Variants in UFL1 observed in about 807,000 individuals in gnomAD.
UFL1 encodes the protein UFM1 specific ligase 1.
A neutral mutation model predicts 99.3 loss-of-function variants in UFL1; 78 were observed. That is an observed-to-expected ratio of 0.79 (90% CI 0.65 to 0.95). The LOEUF is 0.95. UFL1 is among the 40% of genes least tolerant of loss of function. The pLI, the probability that UFL1 is intolerant of heterozygous loss-of-function variation, is 0.00. For synonymous variants in UFL1, 335 were observed against 322.2 expected, an observed-to-expected ratio of 1.04 and a Z score of -0.42; for missense variants, 936 against 937.0, an observed-to-expected ratio of 1.00 and a Z score of 0.01.
rs767970078 is a variant in UFL1, at chr6:96,521,967, C to G, written c.77+17C>G. On this transcript the variant is annotated intron_variant, in intron 1 of 18. Coordinates refer to ENST00000369278, the MANE Select transcript of UFL1 (RefSeq NM_015323.5). ...CACGCAGAGGTGCCCGACCCTCCCT[C>G]TCCTTTGTGGAGCCCAAATTAGGCC... 7.5e-6 allele frequency: 12 copies of G among 1,608,686 alleles called. No individual in the cohort carries two copies. In the South Asian group the frequency reaches 7.8e-5, roughly 10 times the overall value.
intron 11 of UFL1, among the ~76,000 whole-genome samples, chr6:96,542,086 A>T (rs1332125828): frequency 2.6e-5 from 4 of 151,290 alleles, no homozygotes; most frequent in African/African-American, 9.7e-5. Flanking sequence ...ATATAGTTGT[A>T]ATATGTTCAA....
At chr6:96,533,528 T>C (rs1269438481) in intron 6 of UFL1, among the ~76,000 whole-genome samples, 2 of 151,896 alleles carry the variant, frequency 1.3e-5, no homozygotes, top group Non-Finnish European at 2.9e-5. Context: ...AAGGCAAATT[T>C]ATAGAGGCAG....
chr6:96,539,820 CCTCT>C (rs1769905223), intron 10 of UFL1, among the ~76,000 whole-genome samples: 1 of 151,342 alleles, frequency 6.6e-6, no homozygotes, highest in Non-Finnish European at 1.5e-5. Flanking sequence ...TGGGCTTCTC[CCTCT>C]AACCACAAAA....
At chr6:96,536,001 T>TACA (rs1769847562) in intron 7 of UFL1, among the ~76,000 whole-genome samples, 1 of 152,050 alleles carries the variant, frequency 6.6e-6, no homozygotes, top group Non-Finnish European at 1.5e-5. Context: ...TAGCTTGAGT[T>TACA]ACAAGTTCAA....
At chr6:96,534,671 A>G (rs957096641) in intron 7 of UFL1, among the ~76,000 whole-genome samples, 1 of 151,978 alleles carries the variant, frequency 6.6e-6, no homozygotes, top group African/African-American at 2.4e-5. Flanking sequence ...ATTATCTAAT[A>G]TGAAAGTAAA....
chr6:96,552,531 A>G lies in UFL1; in HGVS notation c.2035A>G (p.Thr679Ala). 5 of 1,610,506 alleles carry G rather than the reference A, an allele frequency of 3.1e-6. No individual in the cohort carries two copies. In the East Asian group the frequency reaches 8.9e-5, roughly 29 times the overall value. ...RQALAEQLKV[T>A]EDPALILHLT... ...AGCACTGGCTGAACAGCTAAAGGTC[A>G]CAGAAGACCCTGCTCTTATTCTGCA... The change falls in exon 18 of 19, where the codon ACA (threonine) becomes GCA (alanine). Residue 679 changes from threonine (T) to alanine (A), a missense_variant. Physicochemically the swap from Thr to Ala is moderately conservative, Grantham distance 58. Transcript: ENST00000369278.
chr6:96,522,108 C>G (rs1045980691), intron 1 of UFL1, among the ~76,000 whole-genome samples, 158 bp downstream of exon 1: 1 of 152,212 alleles, frequency 6.6e-6, no homozygotes, highest in African/African-American at 2.4e-5. Flanking sequence ...GATCGCAGTT[C>G]CAAGTCCAAG....
intron 12 of UFL1, among the ~76,000 whole-genome samples, chr6:96,546,258 C>T: frequency 6.9e-6 from 1 of 145,260 alleles, no homozygotes; most frequent in African/African-American, 2.5e-5. Context: ...AGAACTCAGT[C>T]TTATTTTTAA....
chr6:96,533,115 C>T (rs1582439476), intron 6 of UFL1, among the ~76,000 whole-genome samples: 1 of 151,618 alleles, frequency 6.6e-6, no homozygotes, highest in African/African-American at 2.4e-5. Context: ...AAAGACTAAC[C>T]TTAACTAGAG....
At chr6:96,549,159 G>A (rs1026785992) in intron 13 of UFL1, among the ~76,000 whole-genome samples, 4 of 151,254 alleles carry the variant, frequency 2.6e-5, no homozygotes, top group African/African-American at 9.7e-5. Context: ...TGAATTATGG[G>A]GGTTTTGTTA....
At chr6:96,526,748 T>A (rs901813963) in intron 5 of UFL1, among the ~76,000 whole-genome samples, 3 of 152,218 alleles carry the variant, frequency 2.0e-5, no homozygotes, top group African/African-American at 7.2e-5. Flanking sequence ...ATTTATTTAA[T>A]GCTTTTGATA....
chr6:96,523,995 A>G (rs1769664448), intron 2 of UFL1, among the ~76,000 whole-genome samples: 2 of 152,108 alleles, frequency 1.3e-5, no homozygotes, highest in Non-Finnish European at 2.9e-5. Flanking sequence ...GCTGATATGT[A>G]GAAGCCTACC....
At chr6:96,525,072 CT>C (rs77037523) in intron 3 of UFL1, among the ~76,000 whole-genome samples, 229 of 141,736 alleles carry the variant, frequency 1.6e-3, no homozygotes, top group Non-Finnish European at 1.8e-3. Context: ...TTCTTTCTTT[CT>C]TTTTTTTTTT....
chr6:96,553,676 T>C lies in UFL1; in HGVS notation c.*173T>C, dbSNP rs1037080534. ...ATTAAATGTAAATCTTAAAAAGATG[T>C]GAATTTTTGTAAATTGGGTTCTTCA... On this transcript the variant is annotated 3_prime_UTR_variant, in exon 19 of 19. Transcript: ENST00000369278. 2.2e-6 allele frequency: 1 copy of C among 456,236 alleles called. No individual in the cohort carries two copies. The highest frequency in any genetic ancestry group is 3.7e-6 in the Non-Finnish European group (1 of 267,938). 28.3% of individuals were successfully genotyped at this position (456,236 alleles called of 1,614,324 possible). A position where few individuals can be genotyped will look rare whatever the true frequency, so the allele number is the denominator to read the frequency against.
chr6:96,534,815 G>GT (rs898388841), intron 7 of UFL1, among the ~76,000 whole-genome samples: 12 of 150,980 alleles, frequency 7.9e-5, no homozygotes, highest in African/African-American at 2.2e-4. Flanking sequence ...GGTTTTGAGG[G>GT]TTTTTTTTAA....
intron 12 of UFL1, among the ~76,000 whole-genome samples, chr6:96,547,016 TCTGCACAGCAA>T (rs888010099): frequency 1.8e-4 from 27 of 151,770 alleles, no homozygotes; most frequent in Admixed American, 7.9e-4. Flanking sequence ...CTAAAAAGTT[TCTGCACAGCAA>T]AATAAATAAT....
chr6:96,549,361 A>G (rs777538573), intron 13 of UFL1, 51 bp from the exon 14 acceptor site: 15 of 1,435,978 alleles, frequency 1.0e-5, no homozygotes, highest in Non-Finnish European at 1.4e-5. Flanking sequence ...CCTTATCTAT[A>G]TAAATACTCA....
At chr6:96,537,253 A>T (rs1449152626) in intron 8 of UFL1, 121 bp from the exon 9 acceptor site, 3 of 695,780 alleles carry the variant, frequency 4.3e-6, no homozygotes, top group Non-Finnish European at 6.5e-6. Context: ...GTGGAGTTAG[A>T]GGAGTTAAGA....
At chr6:96,540,486 T>C (rs202215889) in intron 10 of UFL1, 49 bp from the exon 11 acceptor site, 14 of 1,568,054 alleles carry the variant, frequency 8.9e-6, no homozygotes, top group Non-Finnish European at 1.1e-5. Flanking sequence ...TTTATGCTTT[T>C]GGAAATGCTA....
Sources: gnomAD v4.1 joint callset for allele counts (sites outside exome capture counted in the v4.1 genomes callset) on GRCh38, gnomAD v4.1.1 for gene constraint, MANE v1.5 for transcripts, NCBI Gene and HGNC (gene_info 2026-07-23, HGNC 2026-07-21) for gene names.